The following SLC9A8 variants were observed in gnomAD, a reference collection of about 807,000 sequenced individuals.
SLC9A8 encodes the protein sodium/hydrogen exchanger 8.
SLC9A8 carries 48 observed loss-of-function variants against 66.6 expected under a neutral mutation model. The observed-to-expected ratio is 0.72, with a 90% CI of 0.57 to 0.92. The LOEUF (loss-of-function observed/expected upper bound fraction) is 0.92, where lower values mean the gene tolerates loss of function less well. SLC9A8 is among the 40% of genes least tolerant of loss of function. The probability of loss-of-function intolerance (pLI) is 0.00; values close to 1 mark genes in which losing one functional copy is unlikely to be tolerated. For missense variants in SLC9A8, 599 were observed against 747.3 expected (o/e 0.80, Z 2.31); for synonymous variants, 274 against 282.6 (o/e 0.97, Z 0.31).
intron 3 of SLC9A8, among the ~76,000 whole-genome samples, chr20:49,837,643 C>T (rs1021750233): frequency 6.6e-6 from 1 of 152,126 alleles, no homozygotes; most frequent in Non-Finnish European, 1.5e-5. Flanking sequence ...GATCTCAGCT[C>T]ACTGCAACCT....
Position 49,845,699 on chromosome 20 carries a change from G to A in SLC9A8, c.432+580G>A, listed in dbSNP as rs571239718. On this transcript the variant is annotated intron_variant, in intron 5 of 15. Coordinates refer to ENST00000361573, the MANE Select transcript of SLC9A8 (RefSeq NM_015266.3). The stretch of plus-strand genomic sequence containing the variant: ...CCAGGCTGGAGCCCCATCCTTCCCT[G>A]CCTAGTCCCACAGTTGCCTGCCCAT... Among the ~76,000 whole-genome samples, 10 of 152,136 alleles carry A rather than the reference G, an allele frequency of 6.6e-5. No homozygotes were observed. In the South Asian group the frequency reaches 2.1e-3, roughly 32 times the overall value.
In SLC9A8 at chr20:49,883,874, G is replaced by C. The variant is rs368238065; in HGVS notation, c.1299G>C (p.Leu433=). 7.1e-4 allele frequency: 1,148 copies of C among 1,608,480 alleles called. 18 individuals are homozygous for C. The South Asian group carries it at 0.012, about 17-fold the overall frequency. The change falls in exon 14 of 16, where the codon CTG becomes CTC. Residue 433 remains leucine, a synonymous_variant. Coordinates refer to ENST00000361573, the MANE Select transcript of SLC9A8 (RefSeq NM_015266.3). The stretch of plus-strand genomic sequence containing the variant: ...TGCGGGGAGCCATCCCCTATGCCCT[G>C]AGCCTACACCTGGACCTGGAGCCCA... ...SGLRGAIPYA[L]SLHLDLEPME... is the part of the protein sequence containing the mutation.
rs568906464 is a variant in SLC9A8, at chr20:49,842,065, T to A, written c.348+2466T>A. On this transcript the variant is annotated intron_variant, in intron 4 of 15. Coordinates refer to ENST00000361573, the MANE Select transcript of SLC9A8 (RefSeq NM_015266.3). Reference sequence around the variant, plus strand: ...ATTTATTTTATTTTATTTTATTTTTTTTTTTTTGCTGGGGAGTGGTGGGGA... The same window carrying A: ...ATTTATTTTATTTTATTTTATTTTTATTTTTTTGCTGGGGAGTGGTGGGGA... Among the ~76,000 whole-genome samples, 192 of 151,022 alleles carry A rather than the reference T, an allele frequency of 1.3e-3. 3 individuals carry two copies. The South Asian group carries it at 0.035, about 28-fold the overall frequency.
chr20:49,872,891 A>G (rs1227153725), intron 10 of SLC9A8, among the ~76,000 whole-genome samples: 1 of 152,342 alleles, frequency 6.6e-6, no homozygotes, highest in East Asian at 1.9e-4. Flanking sequence ...TGGAATTAGT[A>G]TATCTTGGCA....
chr20:49,823,583 G>A (rs114907626), intron 3 of SLC9A8, among the ~76,000 whole-genome samples: 3,857 of 152,176 alleles, frequency 0.025, 93 homozygotes, highest in African/African-American at 0.065. Flanking sequence ...CCAGAGTCAG[G>A]TCTAAAGTCT....
intron 2 of SLC9A8, among the ~76,000 whole-genome samples, chr20:49,821,425 G>C (rs1162710855): frequency 6.6e-6 from 1 of 152,054 alleles, no homozygotes; most frequent in African/African-American, 2.4e-5. Flanking sequence ...TTCTAACTAG[G>C]TTAAATATTT....
intron 3 of SLC9A8, among the ~76,000 whole-genome samples, chr20:49,836,451 T>A (rs1260375539): frequency 2.0e-5 from 3 of 152,122 alleles, no homozygotes; most frequent in Non-Finnish European, 4.4e-5. Flanking sequence ...CTCCTGCCTC[T>A]CCCAAGTAGC....
chr20:49,826,363 C>CA (rs1323361306), intron 3 of SLC9A8, among the ~76,000 whole-genome samples: 1 of 152,016 alleles, frequency 6.6e-6, no homozygotes, highest in Non-Finnish European at 1.5e-5. Flanking sequence ...AACTTTGTGC[C>CA]AAAAAAGAAT....
At chr20:49,849,168 G>GGTGC (rs1223763445) in intron 5 of SLC9A8, among the ~76,000 whole-genome samples, 1 of 152,160 alleles carries the variant, frequency 6.6e-6, no homozygotes, top group African/African-American at 2.4e-5. Flanking sequence ...AGGCGAGCAT[G>GGTGC]GTGCCAGATG....
At chr20:49,840,098 G>A (rs2087701777) in intron 4 of SLC9A8, among the ~76,000 whole-genome samples, 1 of 152,178 alleles carries the variant, frequency 6.6e-6, no homozygotes, top group Admixed American at 6.5e-5. Context: ...GTGACACTCA[G>A]GGAGATTGGG....
intron 3 of SLC9A8, among the ~76,000 whole-genome samples, chr20:49,831,370 AGGT>A (rs998094282): frequency 3.5e-4 from 53 of 151,630 alleles, no homozygotes; most frequent in African/African-American, 1.2e-3. Context: ...ACACACGAGG[AGGT>A]GGCTGTGTAC....
chr20:49,829,907 C>T, intron 3 of SLC9A8: 1 of 576,670 alleles, frequency 1.7e-6, no homozygotes, highest in Non-Finnish European at 3.5e-6. Flanking sequence ...CTCCAAATCC[C>T]CTCTGAAAAG....
chr20:49,856,879 A>T (rs1275410318), intron 8 of SLC9A8, among the ~76,000 whole-genome samples: 1 of 152,072 alleles, frequency 6.6e-6, no homozygotes, highest in East Asian at 1.9e-4. Context: ...ATTCCTAGCT[A>T]CTAGGGATGC....
At chr20:49,841,770 T>C (rs930237544) in intron 4 of SLC9A8, among the ~76,000 whole-genome samples, 2 of 151,798 alleles carry the variant, frequency 1.3e-5, no homozygotes, top group African/African-American at 4.8e-5. Context: ...AATTTTTGTA[T>C]TTTTAGTAGA....
intron 8 of SLC9A8, among the ~76,000 whole-genome samples, chr20:49,859,814 C>T (rs1417950873): frequency 6.6e-6 from 1 of 152,154 alleles, no homozygotes; most frequent in Non-Finnish European, 1.5e-5. Context: ...ACAGCTTAAG[C>T]TCATGAAATG....
intron 2 of SLC9A8, among the ~76,000 whole-genome samples, chr20:49,818,377 A>C (rs2146446301): frequency 6.6e-6 from 1 of 152,150 alleles, no homozygotes; most frequent in Non-Finnish European, 1.5e-5. Context: ...GGAGGTTAGC[A>C]TGTATTACCA....
rs1435180070 is a variant in SLC9A8, at chr20:49,891,448, C to T, written c.*3512C>T. On this transcript the variant is annotated 3_prime_UTR_variant, in exon 16 of 16. Transcript: ENST00000361573. ...GAGCCAGCCCCCTTCCATTTAGTCTCCTGCCGTTTCCCAAACAGTTGTCCA... is the reference window on the plus strand; with the variant it reads ...GAGCCAGCCCCCTTCCATTTAGTCTTCTGCCGTTTCCCAAACAGTTGTCCA... 6.6e-6 allele frequency: 1 copy of T among 152,220 alleles called. No individual in the cohort carries two copies. Among genetic ancestry groups the T allele is most frequent in the African/African-American group, 2.4e-5 (1 of 41,426 alleles). 9.4% of individuals were successfully genotyped at this position (152,220 alleles called of 1,614,324 possible).
At chr20:49,845,166 T>C (rs2087931736) in intron 5 of SLC9A8, 47 bp downstream of exon 5, 1 of 1,376,202 alleles carries the variant, frequency 7.3e-7, no homozygotes. Flanking sequence ...CAGTTTCTCA[T>C]GTTTGTAAGG....
chr20:49,860,291 A>G (rs1291120460), intron 8 of SLC9A8, among the ~76,000 whole-genome samples: 1 of 152,258 alleles, frequency 6.6e-6, no homozygotes, highest in African/African-American at 2.4e-5. Flanking sequence ...TTTCACGTGA[A>G]GAAAGTTAGA....
Sources: allele counts gnomAD v4.1 joint callset (sites outside exome capture counted in the v4.1 genomes callset), GRCh38; gene constraint gnomAD v4.1.1; transcripts MANE v1.5; gene names NCBI Gene and HGNC (gene_info 2026-07-23, HGNC 2026-07-21).